The following MUC7 variants were observed in gnomAD, a reference collection of about 807,000 sequenced individuals.
MUC7 encodes mucin 7, secreted.
Under a neutral mutation model 2.5 loss-of-function variants are expected in MUC7, and 2 were observed. That is an observed-to-expected ratio of 0.81 (90% CI 0.33 to 2.55). The LOEUF (loss-of-function observed/expected upper bound fraction) is 2.55. Among genes scored for constraint, MUC7 ranks in the 30% most tolerant of loss-of-function variants. The pLI is 0.11. For synonymous variants in MUC7, 133 were observed against 173.4 expected, an observed-to-expected ratio of 0.77 and a Z score of 1.83; for missense variants, 408 against 455.6, an observed-to-expected ratio of 0.90 and a Z score of 0.95.
At chr4:70,431,135 A>G (rs368425008) in intron 1 of MUC7, among the ~76,000 whole-genome samples, 1 of 152,176 alleles carries the variant, frequency 6.6e-6, no homozygotes, top group African/African-American at 2.4e-5. Flanking sequence ...AAAGACCACA[A>G]AAATCTTTGA....
chr4:70,458,415 A>G (rs1024405638), intron 1 of MUC7, among the ~76,000 whole-genome samples: 3 of 152,138 alleles, frequency 2.0e-5, no homozygotes, highest in Non-Finnish European at 2.9e-5. Flanking sequence ...TGATAAGTTC[A>G]TGGGTGTTCA....
intron 1 of MUC7, among the ~76,000 whole-genome samples, chr4:70,448,025 G>C (rs1560547487): frequency 6.6e-6 from 1 of 152,062 alleles, no homozygotes; most frequent in Non-Finnish European, 1.5e-5. Context: ...CCACAAATAG[G>C]TGGGAACTTG....
chr4:70,467,183 C>T (rs1202001677), intron 1 of MUC7, among the ~76,000 whole-genome samples: 1 of 152,140 alleles, frequency 6.6e-6, no homozygotes, highest in African/African-American at 2.4e-5. Flanking sequence ...GAAATTAAGG[C>T]AGAAATAAAT....
chr4:70,478,545 A>G (rs1197403584), intron 2 of MUC7, among the ~76,000 whole-genome samples: 1 of 152,232 alleles, frequency 6.6e-6, no homozygotes, highest in Non-Finnish European at 1.5e-5. Flanking sequence ...AAAGTCACTC[A>G]GCTATTCAGT....
At chr4:70,431,131 C>G (rs1733651833) in intron 1 of MUC7, among the ~76,000 whole-genome samples, 1 of 151,968 alleles carries the variant, frequency 6.6e-6, no homozygotes, top group African/African-American at 2.4e-5. Flanking sequence ...AAAAAAAGAC[C>G]ACAAAAATCT....
Position 70,481,595 on chromosome 4 carries a change from C to A in MUC7, c.851C>A (p.Pro284Gln), listed in dbSNP as rs749269416. The A allele has an allele frequency of 6.2e-7, 1 of 1,612,766 alleles. No homozygotes were observed. The highest frequency in any genetic ancestry group is 8.5e-7 in the Non-Finnish European group (1 of 1,179,586). Residue 284 changes from proline (P) to glutamine (Q), a missense_variant, in exon 3 of 3, where the codon CCA becomes CAA. Pro to Gln is a moderately conservative substitution (Grantham distance 76). This residue lies in a region of MUC7 where 175 missense variants were observed against 187.1 expected (regional missense o/e 0.94). Coordinates refer to ENST00000304887, the MANE Select transcript of MUC7 (RefSeq NM_152291.3). ...ASAPPETTAA[P>Q]PTPSATTPAP... ...GCTCCACCAGAGACCACAGCTGCCC[C>A]ACCCACACCTTCTGCAACTACACCA...
At chr4:70,441,438 A>T (rs1734002945) in intron 1 of MUC7, among the ~76,000 whole-genome samples, 1 of 152,208 alleles carries the variant, frequency 6.6e-6, no homozygotes, top group Admixed American at 6.5e-5. Flanking sequence ...AAAAGAGAGT[A>T]TCTTTAAAAT....
intron 1 of MUC7, among the ~76,000 whole-genome samples, chr4:70,442,285 A>T (rs1042314410): frequency 6.6e-6 from 1 of 152,188 alleles, no homozygotes; most frequent in African/African-American, 2.4e-5. Context: ...ATTGTAGAAA[A>T]ATCAAAGAAA....
In MUC7 at chr4:70,481,783, C is replaced by A; in HGVS notation, c.1039C>A (p.Pro347Thr). Residue 347 changes from proline (P) to threonine (T), a missense_variant, in exon 3 of 3, where the codon CCA (proline) becomes ACA (threonine). Coordinates refer to ENST00000304887, the MANE Select transcript of MUC7 (RefSeq NM_152291.3). ...VTTQTTTTKQPTSAPGQNKIS... is the reference protein window; with the variant it reads ...VTTQTTTTKQTTSAPGQNKIS... ...TACTCAAACTACTACTACTAAACAA[C>A]CAACTTCAGCTCCTGGCCAAAATAA... is the stretch of plus-strand genomic sequence containing the variant. The A allele has an allele frequency of 6.2e-7, 1 of 1,614,194 alleles. No individual in the cohort carries two copies. Among genetic ancestry groups the A allele is most frequent in the Non-Finnish European group, 8.5e-7 (1 of 1,180,022 alleles).
intron 1 of MUC7, among the ~76,000 whole-genome samples, chr4:70,456,539 T>C (rs1734419615): frequency 6.6e-6 from 1 of 152,152 alleles, no homozygotes; most frequent in Admixed American, 6.5e-5. Context: ...TCTTATATGA[T>C]GGCAGAAGAG....
At chr4:70,437,167 C>A (rs1019244757) in intron 1 of MUC7, among the ~76,000 whole-genome samples, 2 of 152,212 alleles carry the variant, frequency 1.3e-5, no homozygotes, top group Non-Finnish European at 2.9e-5. Flanking sequence ...CCCGGACCCA[C>A]TTGAGGAGGC....
chr4:70,434,095 T>G (rs1018786390), intron 1 of MUC7, among the ~76,000 whole-genome samples: 30 of 152,172 alleles, frequency 2.0e-4, no homozygotes, highest in Admixed American at 1.8e-3. Context: ...TGGGTAAGCT[T>G]CTTGATGTGC....
chr4:70,445,537 G>A (rs1344097424), intron 1 of MUC7, among the ~76,000 whole-genome samples: 1 of 151,976 alleles, frequency 6.6e-6, no homozygotes, highest in Non-Finnish European at 1.5e-5. Flanking sequence ...ATTTAATAAT[G>A]TCTTCTCTCC....
chr4:70,447,034 T>C (rs375290249), intron 1 of MUC7, among the ~76,000 whole-genome samples: 1 of 151,420 alleles, frequency 6.6e-6, no homozygotes, highest in East Asian at 1.9e-4. Context: ...CAACATGAGA[T>C]TTTCTTTATG....
intron 1 of MUC7, among the ~76,000 whole-genome samples, chr4:70,451,911 T>C (rs894130429): frequency 6.6e-6 from 1 of 152,222 alleles, no homozygotes; most frequent in African/African-American, 2.4e-5. Context: ...TCTTCAGTTC[T>C]AGTAATATTT....
At chr4:70,431,208 T>C (rs1297975072) in intron 1 of MUC7, among the ~76,000 whole-genome samples, 3 of 152,152 alleles carry the variant, frequency 2.0e-5, no homozygotes, top group Admixed American at 1.3e-4. Flanking sequence ...ACCAAGAACA[T>C]ATGAGAAAAA....
At chr4:70,446,087 A>G (rs1410252226) in intron 1 of MUC7, among the ~76,000 whole-genome samples, 1 of 152,174 alleles carries the variant, frequency 6.6e-6, no homozygotes, top group Non-Finnish European at 1.5e-5. Flanking sequence ...CCACTCAGGT[A>G]GGTCCTTAGG....
chr4:70,466,237 C>T (rs1734679251), intron 1 of MUC7, among the ~76,000 whole-genome samples: 1 of 152,042 alleles, frequency 6.6e-6, no homozygotes, highest in African/African-American at 2.4e-5. Flanking sequence ...CCAGGCCTGC[C>T]CTATAAGAGC....
At chr4:70,475,004 C>G (rs573219453) in intron 2 of MUC7, among the ~76,000 whole-genome samples, 1 of 152,182 alleles carries the variant, frequency 6.6e-6, no homozygotes, top group East Asian at 1.9e-4. Context: ...ACAGGCCGGG[C>G]GCGGTGGCTC....
Sources: allele counts gnomAD v4.1 joint callset (sites outside exome capture counted in the v4.1 genomes callset), GRCh38; gene constraint gnomAD v4.1.1; regional missense constraint gnomAD v4.1.1; transcripts MANE v1.5; gene names NCBI Gene and HGNC (gene_info 2026-07-23, HGNC 2026-07-21).